FAM171A1: variants seen among roughly 807,000 people sequenced by gnomAD.
The protein encoded by FAM171A1 is family with sequence similarity 171 member A1, also known as protein FAM171A1.
Under a neutral mutation model 74.9 loss-of-function variants are expected in FAM171A1, and 23 were observed. The ratio of observed to expected loss-of-function variants is 0.31; its 90% CI spans 0.22 to 0.44. FAM171A1 has a LOEUF of 0.44. Among genes scored for constraint, FAM171A1 ranks in the 20% least tolerant of loss-of-function variants. The pLI is 1.00. For synonymous variants in FAM171A1, 527 were observed against 505.7 expected (o/e 1.04, Z -0.57); for missense variants, 1,162 against 1,159.2 (o/e 1.00, Z -0.03).
intron 1 of FAM171A1, among the ~76,000 whole-genome samples, chr10:15,290,245 C>T (rs1835087551): frequency 6.6e-6 from 1 of 151,760 alleles, no homozygotes; most frequent in South Asian, 2.1e-4. Flanking sequence ...ACTCAAGGGA[C>T]AGGATCCATC....
chr10:15,340,099 C>A lies in FAM171A1; in HGVS notation c.97+30857G>T, dbSNP rs181145637. ...GAGAATTGGGTAGGCGGGGGCACAG[C>A]CAAACCACAACACTCCCCTTCTTAA... is the stretch of plus-strand genomic sequence containing the variant. On this transcript the variant is annotated intron_variant, in intron 1 of 7. Transcript: ENST00000378116. 4.1e-4 allele frequency among the ~76,000 whole-genome samples: 62 copies of A among 152,196 alleles called. 1 individual carries two copies. Among genetic ancestry groups the A allele is most frequent in the African/African-American group, 1.3e-3 (56 of 41,516 alleles).
intron 5 of FAM171A1, among the ~76,000 whole-genome samples, chr10:15,224,389 A>T (rs1834078794): frequency 6.6e-6 from 1 of 152,100 alleles, no homozygotes; most frequent in Non-Finnish European, 1.5e-5. Flanking sequence ...GACGATCTTC[A>T]CACCCCATTT....
intron 5 of FAM171A1, among the ~76,000 whole-genome samples, chr10:15,233,759 G>A (rs920537489): frequency 6.6e-6 from 1 of 152,112 alleles, no homozygotes; most frequent in East Asian, 1.9e-4. Context: ...AAAAGTAGCT[G>A]GGCATGGTGG....
At chr10:15,313,188 A>G (rs1319421064) in intron 1 of FAM171A1, among the ~76,000 whole-genome samples, 1 of 152,138 alleles carries the variant, frequency 6.6e-6, no homozygotes, top group Non-Finnish European at 1.5e-5. Flanking sequence ...GTGGAAACAC[A>G]CTGGGAATTC....
At chr10:15,288,074 G>T (rs1014298512) in intron 1 of FAM171A1, among the ~76,000 whole-genome samples, 3 of 152,108 alleles carry the variant, frequency 2.0e-5, no homozygotes, top group Non-Finnish European at 4.4e-5. Flanking sequence ...TTCCTTCCAG[G>T]TTGCTGCAAA....
At chr10:15,299,824 G>C (rs898924593) in intron 1 of FAM171A1, among the ~76,000 whole-genome samples, 4 of 151,906 alleles carry the variant, frequency 2.6e-5, no homozygotes, top group Admixed American at 6.6e-5. Context: ...TAAAAATACA[G>C]AAAATTAGAC....
chr10:15,228,339 T>C (rs898820607), intron 5 of FAM171A1, among the ~76,000 whole-genome samples: 263 of 147,222 alleles, frequency 1.8e-3, no homozygotes, highest in African/African-American at 6.3e-3. Flanking sequence ...TGGGAGTATT[T>C]TTTTTTTTTT....
At position 15,211,686 on chromosome 10, in the gene FAM171A1, T is replaced by A. The variant is rs542198320; in HGVS notation, c.*1229A>T. On this transcript the variant is annotated 3_prime_UTR_variant, in exon 8 of 8. Coordinates refer to ENST00000378116, the MANE Select transcript of FAM171A1 (RefSeq NM_001010924.2). The stretch of plus-strand genomic sequence containing the variant: ...TTTATTTTGAATTTTCATTTTTGGA[T>A]AACCAAGCAGCTCTTTAAGAAGAAT... The A allele has an allele frequency of 6.6e-6, 1 of 152,280 alleles. No individual in the cohort carries two copies. The highest frequency in any genetic ancestry group is 1.9e-4 in the East Asian group (1 of 5,186). 9.4% of individuals were successfully genotyped at this position (152,280 alleles called of 1,614,324 possible).
intron 1 of FAM171A1, among the ~76,000 whole-genome samples, chr10:15,321,774 A>C (rs183393470): frequency 1.3e-5 from 2 of 152,248 alleles, no homozygotes; most frequent in African/African-American, 4.8e-5. Flanking sequence ...CCTGTATTTC[A>C]TATCATTACA....
intron 1 of FAM171A1, among the ~76,000 whole-genome samples, chr10:15,329,835 A>G (rs899868442): frequency 2.6e-5 from 4 of 152,134 alleles, no homozygotes; most frequent in Admixed American, 6.6e-5. Context: ...TGACACTGCT[A>G]AGCCCTGCCA....
intron 1 of FAM171A1, among the ~76,000 whole-genome samples, chr10:15,322,732 C>T (rs1835501157): frequency 6.6e-6 from 1 of 152,232 alleles, no homozygotes; most frequent in African/African-American, 2.4e-5. Context: ...TGTTTGGGGT[C>T]TGGTCCTTAG....
At chr10:15,262,833 G>T (rs750676872) in intron 3 of FAM171A1, among the ~76,000 whole-genome samples, 6 of 152,170 alleles carry the variant, frequency 3.9e-5, no homozygotes, top group Non-Finnish European at 7.4e-5. Flanking sequence ...GAATGTGAAG[G>T]GGTTCATGGT....
At chr10:15,329,482 C>G (rs1835600603) in intron 1 of FAM171A1, among the ~76,000 whole-genome samples, 2 of 152,086 alleles carry the variant, frequency 1.3e-5, no homozygotes, top group Admixed American at 1.3e-4. Flanking sequence ...GAAAATTAGC[C>G]AGGCACACCT....
intron 3 of FAM171A1, among the ~76,000 whole-genome samples, chr10:15,268,038 C>T (rs375594677): frequency 2.0e-5 from 3 of 152,154 alleles, no homozygotes; most frequent in Non-Finnish European, 4.4e-5. Flanking sequence ...CTAAAAGCCA[C>T]GTCTGGCAGA....
At chr10:15,278,346 CCTCAAATATTAA>C (rs758978313) in intron 2 of FAM171A1, among the ~76,000 whole-genome samples, 1 of 152,114 alleles carries the variant, frequency 6.6e-6, no homozygotes, top group Non-Finnish European at 1.5e-5. Context: ...CCTGGGAGTT[CCTCAAATATTAA>C]ACACAGAGTG....
At chr10:15,217,955 A>T (rs569118865) in intron 6 of FAM171A1, among the ~76,000 whole-genome samples, 39 of 152,274 alleles carry the variant, frequency 2.6e-4, no homozygotes, top group African/African-American at 7.7e-4. Context: ...TTTCATGCAA[A>T]GACAATAGAC....
At chr10:15,254,035 G>C (rs1406661888) in intron 4 of FAM171A1, among the ~76,000 whole-genome samples, 1 of 152,218 alleles carries the variant, frequency 6.6e-6, no homozygotes. Flanking sequence ...AGCTGACTTA[G>C]AGACCTGCCA....
intron 5 of FAM171A1, among the ~76,000 whole-genome samples, chr10:15,228,637 C>T (rs550994558): frequency 6.6e-5 from 10 of 152,314 alleles, no homozygotes; most frequent in South Asian, 4.1e-4. Context: ...GTGCGCCCCG[C>T]GCCAGCCCAA....
At chr10:15,363,534 A>C (rs1182419847) in intron 1 of FAM171A1, among the ~76,000 whole-genome samples, 2 of 152,150 alleles carry the variant, frequency 1.3e-5, no homozygotes, top group African/African-American at 4.8e-5. Flanking sequence ...CCCTTCCTCC[A>C]TTATTTATCT....
Sources: allele counts gnomAD v4.1 joint callset (sites outside exome capture counted in the v4.1 genomes callset), GRCh38; gene constraint gnomAD v4.1.1; transcripts MANE v1.5; gene names NCBI Gene and HGNC (gene_info 2026-07-23, HGNC 2026-07-21).